Variants in DNAH12 observed in about 807,000 individuals in gnomAD.
The protein encoded by DNAH12 is axonemal beta dynein heavy chain 12.
A neutral mutation model predicts 371.5 loss-of-function variants in DNAH12; 285 were observed. That is an observed-to-expected ratio of 0.77 (90% CI 0.70 to 0.85). The LOEUF is 0.85. DNAH12 is among the 40% of genes least tolerant of loss of function. DNAH12 has a pLI of 0.00. For missense variants in DNAH12, 3,611 were observed against 3,689.4 expected (o/e 0.98, Z 0.55); for synonymous variants, 1,200 against 1,213.0 (o/e 0.99, Z 0.22).
At chr3:57,342,074 C>T (rs889319079) in intron 60 of DNAH12, among the ~76,000 whole-genome samples, 4 of 152,068 alleles carry the variant, frequency 2.6e-5, no homozygotes, top group Non-Finnish European at 5.9e-5. Flanking sequence ...TGCAGAAGAG[C>T]AAAACTAGAC....
intron 32 of DNAH12, among the ~76,000 whole-genome samples, chr3:57,432,828 G>A (rs1354476951): frequency 6.6e-6 from 1 of 152,070 alleles, no homozygotes; most frequent in Non-Finnish European, 1.5e-5. Context: ...TTTAGGTGAT[G>A]ATTATGTGAG....
intron 12 of DNAH12, among the ~76,000 whole-genome samples, chr3:57,486,443 G>A (rs956663663): frequency 2.0e-5 from 3 of 151,424 alleles, no homozygotes; most frequent in East Asian, 1.9e-4. Flanking sequence ...AATAGAAATC[G>A]GTATTGTCAT....
intron 37 of DNAH12, among the ~76,000 whole-genome samples, chr3:57,417,291 GA>G (rs1319534685): frequency 1.3e-5 from 2 of 152,060 alleles, no homozygotes; most frequent in South Asian, 4.2e-4. Flanking sequence ...GGCCAGCACT[GA>G]AACTGAGTAA....
chr3:57,537,143 G>A (rs553985884), intron 2 of DNAH12, among the ~76,000 whole-genome samples: 37 of 152,182 alleles, frequency 2.4e-4, no homozygotes, highest in Middle Eastern at 3.4e-3. Flanking sequence ...GCAGTGAACA[G>A]AGATCGCACC....
intron 59 of DNAH12, among the ~76,000 whole-genome samples, chr3:57,355,592 A>C (rs1362987964): frequency 6.6e-6 from 1 of 152,184 alleles, no homozygotes; most frequent in African/African-American, 2.4e-5. Flanking sequence ...TCTAGGTTTA[A>C]TATTTTGAAG....
chr3:57,527,887 T>A (rs2068702787), intron 2 of DNAH12, among the ~76,000 whole-genome samples: 1 of 152,194 alleles, frequency 6.6e-6, no homozygotes, highest in Non-Finnish European at 1.5e-5. Flanking sequence ...CTTGATATGA[T>A]CCCATTTGTC....
intron 36 of DNAH12, among the ~76,000 whole-genome samples, chr3:57,419,842 C>G (rs1013101358): frequency 1.3e-5 from 2 of 152,050 alleles, no homozygotes; most frequent in South Asian, 4.1e-4. Context: ...TTTATGTCTT[C>G]TTAACACTCC....
intron 56 of DNAH12, among the ~76,000 whole-genome samples, chr3:57,367,783 C>T (rs2153333821): frequency 6.6e-6 from 1 of 152,210 alleles, no homozygotes; most frequent in Non-Finnish European, 1.5e-5. Context: ...CAATTTCAAG[C>T]TGGCTTCAAC....
chr3:57,533,261 C>T (rs1039115066), intron 2 of DNAH12, among the ~76,000 whole-genome samples: 5 of 151,818 alleles, frequency 3.3e-5, no homozygotes, highest in African/African-American at 1.2e-4. Context: ...AGGGCAGGTC[C>T]AGAAATGCCA....
chr3:57,472,363 C>T (rs1202647641), intron 14 of DNAH12, among the ~76,000 whole-genome samples, 183 bp downstream of exon 14: 8 of 152,032 alleles, frequency 5.3e-5, no homozygotes, highest in Non-Finnish European at 1.2e-4. Flanking sequence ...CTTACCAGAC[C>T]TTGTGAGTTA....
chr3:57,372,763 C>A (rs2063202156), intron 55 of DNAH12, among the ~76,000 whole-genome samples: 1 of 151,424 alleles, frequency 6.6e-6, no homozygotes, highest in Admixed American at 6.6e-5. Flanking sequence ...TTCAGTTAAT[C>A]CAAATCCAAG....
At chr3:57,384,376 C>T (rs2063457983) in intron 49 of DNAH12, among the ~76,000 whole-genome samples, 1 of 152,064 alleles carries the variant, frequency 6.6e-6, no homozygotes, top group Non-Finnish European at 1.5e-5. Context: ...GAAGCTCATG[C>T]CTGTAATCCC....
In DNAH12 at chr3:57,334,898, T is replaced by C; in HGVS notation, c.9717A>G (p.Leu3239=). The change falls in exon 61 of 74, where the codon TTA becomes TTG. Residue 3239 remains leucine, a synonymous_variant. Transcript: ENST00000495027. ...EIEYQELMFL[L]TGGVSLKSAE... is the part of the protein sequence containing the mutation. Reference sequence around the variant, plus strand: ...CACTTTTAAGACTTACTCCTCCAGTTAAAAGAAACATCAGTTCCTGGTATT... The same window carrying C: ...CACTTTTAAGACTTACTCCTCCAGTCAAAAGAAACATCAGTTCCTGGTATT... The C allele has an allele frequency of 6.4e-7, 1 of 1,551,638 alleles. No homozygotes were observed. Among genetic ancestry groups the C allele is most frequent in the Non-Finnish European group, 8.7e-7 (1 of 1,146,990 alleles).
At chr3:57,538,573 A>C (rs1201719921) in intron 2 of DNAH12, among the ~76,000 whole-genome samples, 1 of 152,076 alleles carries the variant, frequency 6.6e-6, no homozygotes, top group Admixed American at 6.6e-5. Flanking sequence ...GTTATAACAT[A>C]CTCTGTGCTT....
At chr3:57,480,147 A>G (rs1191272422) in intron 13 of DNAH12, among the ~76,000 whole-genome samples, 7 of 152,036 alleles carry the variant, frequency 4.6e-5, no homozygotes, top group Admixed American at 2.6e-4. Flanking sequence ...TTTTTTGAAA[A>G]GATCAACAAA....
At chr3:57,409,957 G>T (rs900391614) in intron 39 of DNAH12, among the ~76,000 whole-genome samples, 1 of 152,114 alleles carries the variant, frequency 6.6e-6, no homozygotes, top group African/African-American at 2.4e-5. Context: ...GTTCCAAGCA[G>T]CCACAGAAAA....
intron 13 of DNAH12, among the ~76,000 whole-genome samples, chr3:57,474,697 G>A (rs7615331): frequency 4.1e-4 from 62 of 152,228 alleles, no homozygotes; most frequent in African/African-American, 1.5e-3. Context: ...GGTAGCTCAC[G>A]CCTGTAATCC....
chr3:57,338,701 G>T (rs1334275922), intron 60 of DNAH12, among the ~76,000 whole-genome samples: 1 of 149,370 alleles, frequency 6.7e-6, no homozygotes, highest in Non-Finnish European at 1.5e-5. Context: ...CCTCTGCCCG[G>T]CCGCCCCATC....
At chr3:57,445,108 AT>A in intron 28 of DNAH12, 65 bp downstream of exon 28, 1 of 1,454,770 alleles carries the variant, frequency 6.9e-7, no homozygotes, top group Admixed American at 2.5e-5. Flanking sequence ...GTAGTTCCTG[AT>A]TAACCTCACT....
Sources: gnomAD v4.1 joint callset for allele counts (sites outside exome capture counted in the v4.1 genomes callset) on GRCh38, gnomAD v4.1.1 for gene constraint, MANE v1.5 for transcripts, NCBI Gene and HGNC (gene_info 2026-07-23, HGNC 2026-07-21) for gene names.